Variants in OLFM3 observed in about 807,000 individuals in gnomAD.
OLFM3 encodes the protein olfactomedin 3, also known as noelin-3.
A neutral mutation model predicts 48.6 loss-of-function variants in OLFM3; 20 were observed. That is an observed-to-expected ratio of 0.41 (90% CI 0.29 to 0.60). OLFM3 has a LOEUF of 0.60. Among genes scored for constraint, OLFM3 ranks in the 20% least tolerant of loss-of-function variants. OLFM3 has a pLI of 0.28. For missense variants in OLFM3, 437 were observed against 544.3 expected (o/e 0.80, Z 1.96); for synonymous variants, 222 against 198.1 (o/e 1.12, Z -1.01).
At chr1:101,984,488 C>T (rs895413299) in intron 1 of OLFM3, among the ~76,000 whole-genome samples, 2 of 152,100 alleles carry the variant, frequency 1.3e-5, no homozygotes, top group African/African-American at 4.8e-5. Flanking sequence ...CCTCCGCATC[C>T]CAGGGTTCTA....
At chr1:101,949,862 G>A (rs981917949) in intron 1 of OLFM3, among the ~76,000 whole-genome samples, 6 of 148,218 alleles carry the variant, frequency 4.0e-5, no homozygotes, top group African/African-American at 1.5e-4. Flanking sequence ...CCCGGGAGGC[G>A]GAGCTTGCAG....
At chr1:101,806,318 G>T in intron 4 of OLFM3, 136 bp from the exon 5 acceptor site, 1 of 661,456 alleles carries the variant, frequency 1.5e-6, no homozygotes, top group Non-Finnish European at 2.7e-6. Flanking sequence ...CTGAATAAAT[G>T]ATTATTCACA....
At chr1:101,809,694 A>G (rs1382338185) in intron 4 of OLFM3, among the ~76,000 whole-genome samples, 1 of 151,910 alleles carries the variant, frequency 6.6e-6, no homozygotes, top group Admixed American at 6.6e-5. Flanking sequence ...AGTGGAATTG[A>G]TACATAGATA....
intron 1 of OLFM3, among the ~76,000 whole-genome samples, chr1:101,887,949 G>C (rs532271105): frequency 6.6e-6 from 1 of 152,116 alleles, no homozygotes; most frequent in Non-Finnish European, 1.5e-5. Flanking sequence ...AAATTGTGTA[G>C]TATTATAGTA....
intron 1 of OLFM3, among the ~76,000 whole-genome samples, chr1:101,841,088 G>A (rs972278279): frequency 2.6e-5 from 4 of 152,144 alleles, no homozygotes; most frequent in African/African-American, 9.7e-5. Flanking sequence ...TTACAAAGCT[G>A]TGCTTTATAA....
intron 1 of OLFM3, among the ~76,000 whole-genome samples, chr1:101,859,145 G>A (rs1442791725): frequency 6.6e-6 from 1 of 152,064 alleles, no homozygotes; most frequent in African/African-American, 2.4e-5. Flanking sequence ...AGAGGAAATA[G>A]AGTTGGAAAG....
intron 1 of OLFM3, among the ~76,000 whole-genome samples, chr1:101,970,340 T>G (rs1660746707): frequency 6.6e-6 from 1 of 152,180 alleles, no homozygotes; most frequent in Non-Finnish European, 1.5e-5. Flanking sequence ...TTAAGATTAT[T>G]CTTGGCATTT....
At chr1:101,834,638 T>A (rs987687101) in intron 2 of OLFM3, among the ~76,000 whole-genome samples, 9 of 152,198 alleles carry the variant, frequency 5.9e-5, no homozygotes, top group Non-Finnish European at 1.3e-4. Flanking sequence ...GTGCACACAA[T>A]TTACGATTCC....
At chr1:101,846,157 A>G (rs141287958) in intron 1 of OLFM3, among the ~76,000 whole-genome samples, 31 of 152,322 alleles carry the variant, frequency 2.0e-4, no homozygotes, top group African/African-American at 7.2e-4. Flanking sequence ...ACTTTGTTAG[A>G]AAGTAGGGAG....
At chr1:101,953,057 G>T (rs1660191175) in intron 1 of OLFM3, among the ~76,000 whole-genome samples, 2 of 152,038 alleles carry the variant, frequency 1.3e-5, no homozygotes, top group African/African-American at 4.8e-5. Flanking sequence ...TAGTTTCCAA[G>T]ACTTATTAAT....
chr1:101,826,222 C>T (rs1654859603), intron 3 of OLFM3, among the ~76,000 whole-genome samples: 1 of 151,866 alleles, frequency 6.6e-6, no homozygotes, highest in South Asian at 2.1e-4. Flanking sequence ...CGTAACAGGA[C>T]TGAAGCACGC....
intron 4 of OLFM3, among the ~76,000 whole-genome samples, chr1:101,824,676 C>T (rs75872163): frequency 8.2e-6 from 1 of 121,608 alleles, no homozygotes; most frequent in African/African-American, 3.0e-5. Context: ...ACAACAACAA[C>T]AACAACAAAA....
At chr1:101,962,039 T>A (rs953266980) in intron 1 of OLFM3, among the ~76,000 whole-genome samples, 2 of 152,186 alleles carry the variant, frequency 1.3e-5, no homozygotes, top group East Asian at 3.8e-4. Flanking sequence ...TCAATTTTTT[T>A]AAGAACAATT....
rs182185412 is a variant in OLFM3 at position 101,962,834 on chromosome 1, C to T, written c.69+33914G>A. On this transcript the variant is annotated intron_variant, in intron 1 of 5. Coordinates refer to ENST00000370103, the MANE Select transcript of OLFM3 (RefSeq NM_058170.4). ...TTTTCCTTAATAGTTAACTCACTGC[C>T]AAAGTTGATGGTCCAGGGTGGTGTA... 1.4e-3 allele frequency among the ~76,000 whole-genome samples: 217 copies of T among 152,224 alleles called. 2 individuals are homozygous for T. Among genetic ancestry groups the T allele is most frequent in the African/African-American group, 4.9e-3 (202 of 41,514 alleles).
In OLFM3 at chr1:101,926,439, T is replaced by G. The variant is rs532689632; in HGVS notation, c.69+70309A>C. On this transcript the variant is annotated intron_variant, in intron 1 of 5. Coordinates refer to ENST00000370103, the MANE Select transcript of OLFM3 (RefSeq NM_058170.4). ...TTCACGCAAGCCTTTGATAGATCAA[T>G]GGAACAGGGCAGCCTGGTGGAGCAA... 9.2e-5 allele frequency among the ~76,000 whole-genome samples: 14 copies of G among 152,308 alleles called. No homozygotes were observed. The South Asian group carries it at 2.9e-3, about 32-fold the overall frequency.
rs551611406 is a variant in OLFM3, at chr1:101,884,503, C to CA, written c.70-47479dup. 4.7e-3 allele frequency among the ~76,000 whole-genome samples: 695 copies of CA among 148,920 alleles called. 1 individual carries two copies. Among genetic ancestry groups the CA allele is most frequent in the African/African-American group, 7.4e-3 (301 of 40,588 alleles). On this transcript the variant is annotated intron_variant, in intron 1 of 5. Coordinates refer to ENST00000370103, the MANE Select transcript of OLFM3 (RefSeq NM_058170.4). The stretch of plus-strand genomic sequence containing the variant: ...AAAAACAAAAACAAAAACAAACAAA[C>CA]AAAAAAAAACAGACAAAAAATGCCA...
chr1:101,940,694 C>A (rs1023207848), intron 1 of OLFM3, among the ~76,000 whole-genome samples: 1 of 148,656 alleles, frequency 6.7e-6, no homozygotes, highest in Non-Finnish European at 1.5e-5. Context: ...ATATATATAT[C>A]CAGTTTTATA....
chr1:101,823,446 C>T (rs1654703678), intron 4 of OLFM3, among the ~76,000 whole-genome samples: 1 of 151,846 alleles, frequency 6.6e-6, no homozygotes, highest in Admixed American at 6.6e-5. Flanking sequence ...GTTTCAGGAG[C>T]AGGAACAAAC....
chr1:101,886,919 A>G (rs139564581), intron 1 of OLFM3, among the ~76,000 whole-genome samples: 1,896 of 152,192 alleles, frequency 0.012, 51 homozygotes, highest in Admixed American at 0.065. Context: ...AAGGTAAATA[A>G]AACATCATAC....
Sources: allele counts gnomAD v4.1 joint callset (sites outside exome capture counted in the v4.1 genomes callset), GRCh38; gene constraint gnomAD v4.1.1; transcripts MANE v1.5; gene names NCBI Gene and HGNC (gene_info 2026-07-23, HGNC 2026-07-21).